The following DACH2 variants were observed in gnomAD, a reference collection of about 807,000 sequenced individuals.
DACH2 encodes dachshund family transcription factor 2, also known as dachshund homolog 2.
A neutral mutation model predicts 35.8 loss-of-function variants in DACH2; 17 were observed. That is an observed-to-expected ratio of 0.48 (90% CI 0.33 to 0.71). The LOEUF (loss-of-function observed/expected upper bound fraction) is 0.71. Among genes scored for constraint, DACH2 ranks in the 30% least tolerant of loss-of-function variants. The probability of loss-of-function intolerance (pLI) is 0.02; values close to 1 mark genes in which losing one functional copy is unlikely to be tolerated. For synonymous variants in DACH2, 195 were observed against 177.3 expected (o/e 1.10, Z -0.79); for missense variants, 469 against 472.7 (o/e 0.99, Z 0.07).
At chrX:86,330,530 G>A (rs1569351906) in intron 1 of DACH2, among the ~76,000 whole-genome samples, 1 of 111,711 alleles carries the variant, frequency 9.0e-6, no homozygotes, top group East Asian at 2.8e-4. Flanking sequence ...GAAGGTGCAA[G>A]AGCTTGGTCT....
chrX:86,734,010 T>TTGGG (rs1330609287), intron 6 of DACH2, among the ~76,000 whole-genome samples: 1 of 19,719 alleles, frequency 5.1e-5, no homozygotes, highest in Admixed American at 8.1e-4. Context: ...GTTTGTTAGT[T>TTGGG]TGGGTGGGTG....
chrX:86,699,020 A>G (rs2041108083), intron 5 of DACH2, among the ~76,000 whole-genome samples: 1 of 111,388 alleles, frequency 9.0e-6, no homozygotes. Flanking sequence ...AAGATATTAC[A>G]TTCCTAAATA....
intron 2 of DACH2, among the ~76,000 whole-genome samples, chrX:86,397,888 G>A (rs774115347): frequency 5.4e-5 from 6 of 111,687 alleles, no homozygotes; most frequent in Non-Finnish European, 9.4e-5. Context: ...TTGGTATCAG[G>A]GTGATGCTGT....
chrX:86,737,938 A>G lies in DACH2; in HGVS notation c.1105-1809A>G, dbSNP rs752431904. Among the ~76,000 whole-genome samples, 7 of 110,519 alleles carry G rather than the reference A, an allele frequency of 6.3e-5. No individual in the cohort carries two copies. The South Asian group carries it at 2.3e-3, about 37-fold the overall frequency. On this transcript the variant is annotated intron_variant, in intron 6 of 11. Coordinates refer to ENST00000373125, the MANE Select transcript of DACH2 (RefSeq NM_053281.3). ...TCTCTACCCCCTCTAGAAGTGCCCA[A>G]TGTTTATTGTTAAAGGTCACTCACA...
At chrX:86,293,183 G>C (rs1443982378) in intron 1 of DACH2, among the ~76,000 whole-genome samples, 1 of 105,176 alleles carries the variant, frequency 9.5e-6, no homozygotes, top group Non-Finnish European at 1.9e-5. Flanking sequence ...TTATGTAATG[G>C]CCTTCTTTGT....
intron 1 of DACH2, among the ~76,000 whole-genome samples, chrX:86,327,483 T>C (rs903070403): frequency 8.9e-6 from 1 of 111,935 alleles, no homozygotes; most frequent in African/African-American, 3.2e-5. Context: ...TAAATCAATG[T>C]TTTTGAATAA....
chrX:86,500,399 A>C (rs183234014), intron 2 of DACH2, among the ~76,000 whole-genome samples: 183 of 111,922 alleles, frequency 1.6e-3, no homozygotes, highest in African/African-American at 5.7e-3. Context: ...TTTGCCTTTG[A>C]CTTTAGGTTC....
chrX:86,566,707 A>G (rs1352759895), intron 3 of DACH2, among the ~76,000 whole-genome samples: 1 of 102,730 alleles, frequency 9.7e-6, no homozygotes. Flanking sequence ...TGTTCTGTAC[A>G]TGCAAGTGTA....
chrX:86,729,095 T>A (rs2041503439), intron 6 of DACH2, among the ~76,000 whole-genome samples: 1 of 112,208 alleles, frequency 8.9e-6, no homozygotes, highest in Non-Finnish European at 1.9e-5. Context: ...CACAACAACC[T>A]GTGAGAGCAG....
At chrX:86,339,590 A>G (rs969044002) in intron 1 of DACH2, among the ~76,000 whole-genome samples, 2 of 111,574 alleles carry the variant, frequency 1.8e-5, no homozygotes, top group African/African-American at 6.5e-5. Context: ...GAGGCACAAG[A>G]AGGTCAAATG....
At chrX:86,402,018 C>T (rs1274712229) in intron 2 of DACH2, among the ~76,000 whole-genome samples, 1 of 111,699 alleles carries the variant, frequency 9.0e-6, no homozygotes, top group Non-Finnish European at 1.9e-5. Context: ...ACAGTCTAGG[C>T]ATTGAAGGGG....
chrX:86,250,842 C>T (rs2033385228), intron 1 of DACH2, among the ~76,000 whole-genome samples: 1 of 111,415 alleles, frequency 9.0e-6, no homozygotes, highest in South Asian at 3.7e-4. Flanking sequence ...GTTGTTACAT[C>T]TGCTTTTAAA....
intron 3 of DACH2, among the ~76,000 whole-genome samples, chrX:86,629,866 C>A: frequency 9.0e-6 from 1 of 110,922 alleles, no homozygotes; most frequent in Middle Eastern, 4.7e-3. Context: ...CAGAGCGAGA[C>A]CCTGTCTCAA....
intron 1 of DACH2, among the ~76,000 whole-genome samples, chrX:86,319,093 T>C (rs2034969082): frequency 8.9e-6 from 1 of 112,175 alleles, no homozygotes; most frequent in Non-Finnish European, 1.9e-5. Flanking sequence ...CCTGTTATAA[T>C]TGATGAGTTT....
chrX:86,634,659 C>A (rs1294692796), intron 3 of DACH2, among the ~76,000 whole-genome samples: 1 of 111,142 alleles, frequency 9.0e-6, no homozygotes, highest in Admixed American at 9.6e-5. Flanking sequence ...CAACAACAAT[C>A]AAGCTGAGAA....
intron 2 of DACH2, among the ~76,000 whole-genome samples, chrX:86,455,765 TCTTAA>T (rs1442032242): frequency 1.8e-5 from 2 of 112,117 alleles, no homozygotes; most frequent in Non-Finnish European, 3.8e-5. Flanking sequence ...AGCCAGCGGA[TCTTAA>T]CTTTTGACGT....
chrX:86,308,825 G>A (rs966835164), intron 1 of DACH2, among the ~76,000 whole-genome samples: 1 of 111,538 alleles, frequency 9.0e-6, no homozygotes, highest in Non-Finnish European at 1.9e-5. Context: ...ATGTCAATGT[G>A]GTCCTTCAGT....
chrX:86,655,985 A>G (rs916665131), intron 4 of DACH2, among the ~76,000 whole-genome samples: 2 of 109,133 alleles, frequency 1.8e-5, no homozygotes, highest in African/African-American at 3.3e-5. Context: ...CAAGGAGTAT[A>G]TCATCAAGAC....
chrX:86,192,769 A>G (rs890784852), intron 1 of DACH2, among the ~76,000 whole-genome samples: 1 of 112,537 alleles, frequency 8.9e-6, no homozygotes, highest in Non-Finnish European at 1.9e-5. Context: ...GGGTAATCAA[A>G]GTGTGCACAC....
Sources: gnomAD v4.1 joint callset for allele counts (sites outside exome capture counted in the v4.1 genomes callset) on GRCh38, gnomAD v4.1.1 for gene constraint, MANE v1.5 for transcripts, NCBI Gene and HGNC (gene_info 2026-07-23, HGNC 2026-07-21) for gene names.